Variants in ATF7IP observed in about 807,000 individuals in gnomAD.
ATF7IP encodes the protein activating transcription factor 7-interacting protein 1.
In ATF7IP, 23 loss-of-function variants were observed where a neutral mutation model predicts 106.4. That is an observed-to-expected ratio of 0.22 (90% CI 0.16 to 0.31). ATF7IP has a LOEUF of 0.31. ATF7IP is among the 10% of genes least tolerant of loss of function. ATF7IP has a pLI of 1.00. For missense variants in ATF7IP, 1,334 were observed against 1,524.3 expected (o/e 0.88, Z 2.08); for synonymous variants, 542 against 539.0 (o/e 1.01, Z -0.08).
intron 6 of ATF7IP, among the ~76,000 whole-genome samples, chr12:14,453,038 CA>C (rs1943269455): frequency 6.6e-6 from 1 of 152,168 alleles, no homozygotes; most frequent in Non-Finnish European, 1.5e-5. Context: ...CTCACTCCTT[CA>C]GGCCTACAAG....
At chr12:14,438,001 C>G (rs911460810) in intron 4 of ATF7IP, 129 bp from the exon 5 acceptor site, 4 of 782,666 alleles carry the variant, frequency 5.1e-6, no homozygotes, top group African/African-American at 3.5e-5. Context: ...TGCAGTGAGC[C>G]GAGATCCTGC....
intron 13 of ATF7IP, among the ~76,000 whole-genome samples, chr12:14,492,683 C>A (rs1272133475): frequency 6.6e-6 from 1 of 152,216 alleles, no homozygotes; most frequent in South Asian, 2.1e-4. Context: ...ACAAGTCAGA[C>A]TCTTCTGATT....
chr12:14,458,786 G>A (rs915573260), intron 8 of ATF7IP, among the ~76,000 whole-genome samples: 1 of 151,452 alleles, frequency 6.6e-6, no homozygotes, highest in African/African-American at 2.4e-5. Flanking sequence ...TTGCGCCAGT[G>A]TACTCGATCC....
intron 13 of ATF7IP, among the ~76,000 whole-genome samples, chr12:14,487,045 A>T (rs1944643124): frequency 6.6e-6 from 1 of 152,144 alleles, no homozygotes; most frequent in Non-Finnish European, 1.5e-5. Context: ...ACCAAGGGAG[A>T]TAAATCATTT....
chr12:14,409,731 C>A (rs1376472635), intron 1 of ATF7IP, among the ~76,000 whole-genome samples: 1 of 152,042 alleles, frequency 6.6e-6, no homozygotes, highest in East Asian at 1.9e-4. Flanking sequence ...CTGCCTTTCA[C>A]CACCAATATA....
At chr12:14,494,333 A>ATATATATATATATATGTG (rs1234871100) in intron 13 of ATF7IP, among the ~76,000 whole-genome samples, 5 of 86,014 alleles carry the variant, frequency 5.8e-5, no homozygotes, top group Non-Finnish European at 9.0e-5. Context: ...ATATATATAT[A>ATATATATATATATATGTG]TGTGTGTGTG....
intron 13 of ATF7IP, chr12:14,481,416 AC>A (rs1310815500): frequency 1.8e-6 from 1 of 565,492 alleles, no homozygotes; most frequent in African/African-American, 1.9e-5. Flanking sequence ...AAGTATTGTC[AC>A]CACACACAAA....
rs1945165872 is a variant in ATF7IP, at chr12:14,501,793, A to G, written c.*3720A>G. ...CTGCAGACCTCCTTAAGCAGGCTGT[A>G]TCTTACAATTCCCTTACTGCACTGG... is the stretch of plus-strand genomic sequence containing the variant. On this transcript the variant is annotated 3_prime_UTR_variant, in exon 15 of 15. Transcript: ENST00000261168. 1 of 152,218 alleles carries G rather than the reference A, an allele frequency of 6.6e-6. No homozygotes were observed. The highest frequency in any genetic ancestry group is 1.5e-5 in the Non-Finnish European group (1 of 68,036). 9.4% of individuals were successfully genotyped at this position (152,218 alleles called of 1,614,324 possible). A position where few individuals can be genotyped will look rare whatever the true frequency, so the allele number is the denominator to read the frequency against.
At position 14,490,567 on chromosome 12, in the gene ATF7IP, G is replaced by C. The variant is rs139675818; in HGVS notation, c.3281-5664G>C. 4.4e-3 allele frequency among the ~76,000 whole-genome samples: 675 copies of C among 152,260 alleles called. 3 individuals are homozygous for C. The highest frequency in any genetic ancestry group is 0.015 in the East Asian group (77 of 5,168). On this transcript the variant is annotated intron_variant, in intron 13 of 14. Transcript: ENST00000261168. ...ACTGCTGTTCTTCAGGGATGTCCTA[G>C]AAAGGGACTGTAGTGCTGCAGCTGT...
intron 10 of ATF7IP, among the ~76,000 whole-genome samples, chr12:14,474,338 A>T (rs1944173074): frequency 1.4e-5 from 2 of 140,464 alleles, no homozygotes; most frequent in African/African-American, 2.6e-5. Context: ...TTTTTTTTTC[A>T]GTTTCTTTTT....
At chr12:14,495,108 T>A (rs1944972989) in intron 13 of ATF7IP, among the ~76,000 whole-genome samples, 1 of 152,082 alleles carries the variant, frequency 6.6e-6, no homozygotes, top group African/African-American at 2.4e-5. Flanking sequence ...CTGTCTCTCC[T>A]TTTCACGTTT....
At chr12:14,398,059 T>G (rs1939952051) in intron 1 of ATF7IP, among the ~76,000 whole-genome samples, 1 of 152,154 alleles carries the variant, frequency 6.6e-6, no homozygotes, top group Non-Finnish European at 1.5e-5. Context: ...TAATTTCTCA[T>G]GTTGTTCGTT....
chr12:14,418,317 T>C (rs1034899085), intron 1 of ATF7IP, among the ~76,000 whole-genome samples: 13 of 152,162 alleles, frequency 8.5e-5, no homozygotes, highest in South Asian at 2.1e-4. Flanking sequence ...AAAAATACTT[T>C]CAGGAGAAAC....
intron 6 of ATF7IP, among the ~76,000 whole-genome samples, chr12:14,447,901 T>A (rs139022755): frequency 6.6e-6 from 1 of 152,326 alleles, no homozygotes; most frequent in East Asian, 1.9e-4. Flanking sequence ...ATAAATTGAC[T>A]TCCATAGTCT....
At chr12:14,427,815 A>G (rs1054255723) in intron 2 of ATF7IP, among the ~76,000 whole-genome samples, 2 of 152,054 alleles carry the variant, frequency 1.3e-5, no homozygotes, top group African/African-American at 4.8e-5. Context: ...CCAATTCACA[A>G]CTGTTATTAC....
intron 13 of ATF7IP, among the ~76,000 whole-genome samples, chr12:14,489,853 C>T (rs1299875253): frequency 6.6e-6 from 1 of 152,100 alleles, no homozygotes; most frequent in Non-Finnish European, 1.5e-5. Flanking sequence ...TTCTGTGAGT[C>T]CATGGATAGT....
At chr12:14,398,970 T>A (rs929943631) in intron 1 of ATF7IP, among the ~76,000 whole-genome samples, 34 of 152,134 alleles carry the variant, frequency 2.2e-4, no homozygotes, top group African/African-American at 8.2e-4. Flanking sequence ...ATCAGGTTTT[T>A]CCCTGATTGA....
rs1161785121 is a variant in ATF7IP at position 14,500,766 on chromosome 12, T to C, written c.*2693T>C. ...GCTTTCATAGCATTATATAATCAGA[T>C]GAAGAAAGCCCAGTAGAATAAAAAA... On this transcript the variant is annotated 3_prime_UTR_variant, in exon 15 of 15. Coordinates refer to ENST00000261168, the MANE Select transcript of ATF7IP (RefSeq NM_018179.5). The C allele has an allele frequency of 6.6e-6, 1 of 152,000 alleles. No individual in the cohort carries two copies. The highest frequency in any genetic ancestry group is 6.6e-5 in the Admixed American group (1 of 15,264). 9.4% of individuals were successfully genotyped at this position (152,000 alleles called of 1,614,324 possible).
chr12:14,473,284 C>T (rs77003651), intron 10 of ATF7IP, among the ~76,000 whole-genome samples: 3 of 68,596 alleles, frequency 4.4e-5, no homozygotes, highest in African/African-American at 1.0e-4. Flanking sequence ...CGCTCTCTCT[C>T]TCTCTCTGTG....
Sources: gnomAD v4.1 joint callset for allele counts (sites outside exome capture counted in the v4.1 genomes callset) on GRCh38, gnomAD v4.1.1 for gene constraint, MANE v1.5 for transcripts, NCBI Gene and HGNC (gene_info 2026-07-23, HGNC 2026-07-21) for gene names.